CCDC42: variants seen among roughly 807,000 people sequenced by gnomAD.
CCDC42 encodes coiled-coil domain containing 42, also known as coiled-coil domain-containing protein 42.
Under a neutral mutation model 40.8 loss-of-function variants are expected in CCDC42, and 38 were observed. That is an observed-to-expected ratio of 0.93 (90% CI 0.72 to 1.22). The LOEUF is 1.22. Ranked by LOEUF, CCDC42 falls within the 50% of genes most tolerant of loss-of-function variation. CCDC42 has a pLI of 0.00. For synonymous variants in CCDC42, 135 were observed against 157.5 expected, an observed-to-expected ratio of 0.86 and a Z score of 1.07; for missense variants, 379 against 416.5, an observed-to-expected ratio of 0.91 and a Z score of 0.78.
At chr17:8,731,553 CG>C (rs1420368342) in intron 6 of CCDC42, among the ~76,000 whole-genome samples, 2 of 152,180 alleles carry the variant, frequency 1.3e-5, no homozygotes, top group Non-Finnish European at 2.9e-5. Flanking sequence ...TTATACACCA[CG>C]GAATACTATG....
chr17:8,744,486 C>T (rs1370941198), intron 1 of CCDC42, 41 bp downstream of exon 1: 1 of 1,535,878 alleles, frequency 6.5e-7, no homozygotes. Context: ...TGAGTGGTCC[C>T]AGGCACAGAG....
At chr17:8,734,698 C>G (rs1282093387) in intron 6 of CCDC42, among the ~76,000 whole-genome samples, 1 of 152,096 alleles carries the variant, frequency 6.6e-6, no homozygotes, top group South Asian at 2.1e-4. Flanking sequence ...CAAGCTCAAG[C>G]CTTCAGCAAG....
At chr17:8,740,670 G>A (rs1011030131) in intron 4 of CCDC42, among the ~76,000 whole-genome samples, 1 of 152,006 alleles carries the variant, frequency 6.6e-6, no homozygotes, top group Non-Finnish European at 1.5e-5. Context: ...GAGGGGCATC[G>A]GCAGTGTCAG....
In CCDC42 at chr17:8,730,037, C is replaced by T. The variant is rs1344412162; in HGVS notation, c.*93G>A. Reference sequence around the variant, plus strand: ...TCCCTCAGCAGGAAGGCACAGCAGGCATCGGTCCCGAGCTGGACTGACTGG... The same window carrying T: ...TCCCTCAGCAGGAAGGCACAGCAGGTATCGGTCCCGAGCTGGACTGACTGG... On this transcript the variant is annotated 3_prime_UTR_variant, in exon 7 of 7. Transcript: ENST00000293845. 6.4e-6 allele frequency: 7 copies of T among 1,092,068 alleles called. No homozygotes were observed. The highest frequency in any genetic ancestry group is 1.9e-5 in the Admixed American group (1 of 53,278). The allele number at this position is 1,092,068 out of a possible 1,614,324, so 67.6% of individuals were successfully genotyped here.
At position 8,743,704 on chromosome 17, in the gene CCDC42, C is replaced by T; in HGVS notation, c.216G>A (p.Leu72=). 1 of 1,607,522 alleles carries T rather than the reference C, an allele frequency of 6.2e-7. No individual in the cohort carries two copies. Among genetic ancestry groups the T allele is most frequent in the Non-Finnish European group, 8.5e-7 (1 of 1,174,058 alleles). The part of the protein sequence containing the change: ...KKMFQRRMET[L]NLRWEELGVK... ...CGCCCAGTTCCTCCCAGCGCAGGTT[C>T]AGGGTTTCCATTCTGCGCTGAAACA... Residue 72 remains leucine (L), a synonymous_variant, in exon 3 of 7, where the codon CTG becomes CTA. Transcript: ENST00000293845.
chr17:8,741,738 T>A, intron 3 of CCDC42, 67 bp from the exon 4 acceptor site: 9 of 1,495,698 alleles, frequency 6.0e-6, no homozygotes, highest in Non-Finnish European at 8.2e-6. Flanking sequence ...CAGGCCTTCC[T>A]GGGGCTGGTG....
chr17:8,741,985 G>A (rs2086648818), intron 3 of CCDC42, among the ~76,000 whole-genome samples: 1 of 152,124 alleles, frequency 6.6e-6, no homozygotes, highest in Non-Finnish European at 1.5e-5. Context: ...GTTCTTTCCT[G>A]TGGGACTTGG....
chr17:8,741,488 C>A lies in CCDC42; in HGVS notation c.478G>T (p.Val160Leu). 1.2e-6 allele frequency: 2 copies of A among 1,614,210 alleles called. No homozygotes were observed. The highest frequency in any genetic ancestry group is 1.7e-6 in the Non-Finnish European group (2 of 1,180,030). The change falls in exon 4 of 7, where the codon GTG (valine) becomes TTG (leucine). Residue 160 changes from valine (V) to leucine (L), a missense_variant. Val to Leu is a conservative substitution (Grantham distance 32). Transcript: ENST00000293845. ...YIFNKYLEKV[V>L]ENSEFEEIHE... is the part of the protein sequence containing the mutation. ...CTTGGACTCACCTCGGAGTTCTCCACCACCTTCTCTAGGTACTTGTTGAAG... is the reference window on the plus strand; with the variant it reads ...CTTGGACTCACCTCGGAGTTCTCCAACACCTTCTCTAGGTACTTGTTGAAG...
At position 8,729,991 on chromosome 17, in the gene CCDC42, A is replaced by G; in HGVS notation, c.*139T>C. ...TGTTTTCAGGGATAGAGTGAGGCCC[A>G]CGGGGGAAAATAAGCAGGTGTCCCT... On this transcript the variant is annotated 3_prime_UTR_variant, in exon 7 of 7. Coordinates refer to ENST00000293845, the MANE Select transcript of CCDC42 (RefSeq NM_144681.3). The G allele has an allele frequency of 1.4e-6, 1 of 719,758 alleles. No individual in the cohort carries two copies. The highest frequency in any genetic ancestry group is 2.7e-5 in the East Asian group (1 of 36,984). 44.6% of individuals were successfully genotyped at this position (719,758 alleles called of 1,614,324 possible).
At chr17:8,734,209 G>A (rs563703560) in intron 6 of CCDC42, among the ~76,000 whole-genome samples, 1 of 152,254 alleles carries the variant, frequency 6.6e-6, no homozygotes, top group Admixed American at 6.5e-5. Flanking sequence ...ATTTAAAAAT[G>A]AATGAATTAA....
rs2086606339 is a variant in CCDC42 at position 8,735,551 on chromosome 17, G to A, written c.553C>T (p.Leu185Phe). 6.2e-7 allele frequency: 1 copy of A among 1,614,002 alleles called. No homozygotes were observed. The stretch of plus-strand genomic sequence containing the variant: ...TGGCCTTCCTGCGCAGACTGCATGA[G>A]GTCGTGGCGCATGCTCACCAGCGTC... ...YKTLVSMRHDLMQSAQEGQEK... is the reference protein window; with the variant it reads ...YKTLVSMRHDFMQSAQEGQEK... The change falls in exon 5 of 7, where the codon CTC (leucine) becomes TTC (phenylalanine). Residue 185 changes from leucine (L) to phenylalanine (F), a missense_variant. Coordinates refer to ENST00000293845, the MANE Select transcript of CCDC42 (RefSeq NM_144681.3). This position sits in a 1 kb window ranked among gnomAD's most constrained non-coding sequence, Gnocchi z 4.7.
At chr17:8,744,229 G>T in intron 1 of CCDC42, 45 bp from the exon 2 acceptor site, 1 of 1,461,660 alleles carries the variant, frequency 6.8e-7, no homozygotes, top group Non-Finnish European at 9.5e-7. Context: ...TCTGACATGG[G>T]GTAGGCTGGG....
chr17:8,741,565 GCCA>G lies in CCDC42; in HGVS notation c.398_400del (p.Val133del), dbSNP rs1217412722. On this transcript the variant is annotated inframe_deletion, in exon 4 of 7. Transcript: ENST00000293845. ...CAGCCGCTGGTGCTCCAGCCGCAGC[GCCA>G]CCATCTCCTGCTTGCGCTTGGTCAG... The G allele has an allele frequency of 1.2e-6, 2 of 1,614,054 alleles. No individual in the cohort carries two copies. Among genetic ancestry groups the G allele is most frequent in the African/African-American group, 1.3e-5 (1 of 74,940 alleles).
chr17:8,732,882 A>T (rs9907024), intron 6 of CCDC42, among the ~76,000 whole-genome samples: 3 of 151,962 alleles, frequency 2.0e-5, no homozygotes, highest in African/African-American at 7.3e-5. Context: ...AAGGAATTCA[A>T]ATTGACTTGG....
chr17:8,731,728 C>T (rs988507862), intron 6 of CCDC42, among the ~76,000 whole-genome samples: 16 of 152,206 alleles, frequency 1.1e-4, no homozygotes, highest in Admixed American at 3.3e-4. Flanking sequence ...AAGAGGGGAA[C>T]AACACATACT....
In CCDC42 at chr17:8,735,639, C is replaced by G. The variant is rs776937755; in HGVS notation, c.493-28G>C. The G allele has an allele frequency of 1.3e-6, 2 of 1,591,090 alleles. No homozygotes were observed. Among genetic ancestry groups the G allele is most frequent in the Non-Finnish European group, 8.6e-7 (1 of 1,164,244 alleles). ...GTGGTCAGGGGCTCAGGTCAATGCA[C>G]AGCCAGCCCCTGGGGCCTGAGGGAG... On this transcript the variant is annotated intron_variant, in intron 4 of 6. Coordinates refer to ENST00000293845, the MANE Select transcript of CCDC42 (RefSeq NM_144681.3). The surrounding 1 kb of genome is among the most constrained non-coding windows in gnomAD (Gnocchi z 4.7).
At chr17:8,731,086 T>A (rs2086577656) in intron 6 of CCDC42, among the ~76,000 whole-genome samples, 1 of 152,194 alleles carries the variant, frequency 6.6e-6, no homozygotes, top group African/African-American at 2.4e-5. Context: ...GTCGCAGGTC[T>A]GGGGCAATCA....
chr17:8,730,104 G>A lies in CCDC42; in HGVS notation c.*26C>T, dbSNP rs376601567. On this transcript the variant is annotated 3_prime_UTR_variant, in exon 7 of 7. Transcript: ENST00000293845. The stretch of plus-strand genomic sequence containing the variant: ...TTCTTCTTTCACGATCTCTGTCTCA[G>A]GACATTCTGGAACAAGGCTGCCTCC... The A allele has an allele frequency of 4.8e-5, 77 of 1,608,430 alleles. No individual in the cohort carries two copies. The highest frequency in any genetic ancestry group is 6.3e-5 in the Non-Finnish European group (74 of 1,175,188).
chr17:8,734,804 G>T (rs2086599871), intron 6 of CCDC42, among the ~76,000 whole-genome samples: 1 of 152,192 alleles, frequency 6.6e-6, no homozygotes, highest in Admixed American at 6.5e-5. Flanking sequence ...GGGGCTAAAA[G>T]GGTTTCGGTG....
Sources: gnomAD v4.1 joint callset for allele counts (sites outside exome capture counted in the v4.1 genomes callset) on GRCh38, gnomAD v4.1.1 for gene constraint, Gnocchi (gnomAD v3.1) non-coding constraint, MANE v1.5 for transcripts, NCBI Gene and HGNC (gene_info 2026-07-23, HGNC 2026-07-21) for gene names.